Variants in RIN2 observed in about 807,000 individuals in gnomAD.
RIN2 encodes RAB5 interacting protein 2.
RIN2 carries 36 observed loss-of-function variants against 78.0 expected under a neutral mutation model. The observed-to-expected ratio is 0.46, with a 90% CI of 0.35 to 0.61. The LOEUF is 0.61. Ranked by LOEUF, RIN2 falls within the 20% of genes least tolerant of loss-of-function variation. RIN2 has a pLI of 0.00. For synonymous variants in RIN2, 466 were observed against 466.8 expected (o/e 1.00, Z 0.02); for missense variants, 1,087 against 1,159.7 (o/e 0.94, Z 0.91).
rs540677132 is a variant in RIN2, at chr20:19,920,021, G to A, written c.58-15078G>A. Among the ~76,000 whole-genome samples the A allele has an allele frequency of 5.9e-5, 9 of 152,210 alleles. No individual in the cohort carries two copies. In the East Asian group the frequency reaches 1.6e-3, roughly 26 times the overall value. ...GAAAGAACGTCATCCCAGGCCGGGC[G>A]CAGTGGCTCACGCCTGTAATCCCAG... On this transcript the variant is annotated intron_variant, in intron 3 of 12. Transcript: ENST00000255006.
intron 2 of RIN2, among the ~76,000 whole-genome samples, chr20:19,842,969 T>C (rs1358488093): frequency 1.3e-5 from 2 of 152,066 alleles, no homozygotes; most frequent in Admixed American, 1.3e-4. Flanking sequence ...ATGCCAACTC[T>C]CATGAATGAT....
intron 3 of RIN2, among the ~76,000 whole-genome samples, chr20:19,917,902 A>C (rs1348418496): frequency 6.6e-6 from 1 of 152,228 alleles, no homozygotes; most frequent in Non-Finnish European, 1.5e-5. Context: ...TATTGCCCAA[A>C]GCATTCTTTT....
chr20:19,919,165 G>A (rs942347876), intron 3 of RIN2, among the ~76,000 whole-genome samples: 5 of 152,194 alleles, frequency 3.3e-5, no homozygotes, highest in Admixed American at 6.5e-5. Context: ...GATGCCGTGC[G>A]AGAGTCCCGG....
At chr20:19,909,370 G>A (rs2039362201) in intron 3 of RIN2, among the ~76,000 whole-genome samples, 1 of 152,036 alleles carries the variant, frequency 6.6e-6, no homozygotes, top group Non-Finnish European at 1.5e-5. Context: ...GTTTTGATCC[G>A]CCACCACTTA....
At chr20:19,834,523 C>T (rs1478238854) in intron 2 of RIN2, among the ~76,000 whole-genome samples, 1 of 152,182 alleles carries the variant, frequency 6.6e-6, no homozygotes, top group East Asian at 1.9e-4. Flanking sequence ...CTGACAGGCT[C>T]CTCCTCCTGC....
chr20:19,762,537 G>C (rs2033682823), intron 1 of RIN2, among the ~76,000 whole-genome samples: 1 of 152,178 alleles, frequency 6.6e-6, no homozygotes, highest in African/African-American at 2.4e-5. Context: ...GTATTAAACA[G>C]GGTGGTGTCA....
At position 19,799,687 on chromosome 20, in the gene RIN2, A is replaced by G. The variant is rs906875701; in HGVS notation, c.-97A>G. On this transcript the variant is annotated 5_prime_UTR_variant, in exon 2 of 13. Coordinates refer to ENST00000255006, the MANE Select transcript of RIN2 (RefSeq NM_018993.4). ...AAGATAAAATGTGCAAGCCCTTCAG[A>G]ACGCTGGGGAGGTTGGGCTGAACTG... 1 of 152,158 alleles carries G rather than the reference A, an allele frequency of 6.6e-6. No individual in the cohort carries two copies. The highest frequency in any genetic ancestry group is 1.5e-5 in the Non-Finnish European group (1 of 68,046). 9.4% of individuals were successfully genotyped at this position (152,158 alleles called of 1,614,324 possible).
intron 8 of RIN2, among the ~76,000 whole-genome samples, 151 bp downstream of exon 8, chr20:19,971,080 AAACATCTGT>A (rs1372286410): frequency 2.6e-5 from 4 of 152,216 alleles, no homozygotes; most frequent in African/African-American, 9.6e-5. Flanking sequence ...GTCCTCTTGT[AAACATCTGT>A]AACGTGTTGA....
chr20:19,950,318 T>A (rs1488284824), intron 4 of RIN2, among the ~76,000 whole-genome samples: 1 of 152,288 alleles, frequency 6.6e-6, no homozygotes, highest in Non-Finnish European at 1.5e-5. Flanking sequence ...TATCTCCCCA[T>A]GATAGCAGCC....
chr20:19,847,215 C>T (rs1417387585), intron 2 of RIN2, among the ~76,000 whole-genome samples: 2 of 152,126 alleles, frequency 1.3e-5, no homozygotes, highest in Non-Finnish European at 2.9e-5. Context: ...TCATCTGAAG[C>T]ATTTAGCATT....
intron 2 of RIN2, among the ~76,000 whole-genome samples, chr20:19,877,085 G>C (rs1486536021): frequency 1.3e-5 from 2 of 152,142 alleles, no homozygotes; most frequent in Non-Finnish European, 2.9e-5. Context: ...TTCTGGAGGA[G>C]AGTAAGAAGA....
chr20:19,764,196 A>G (rs1298633269), intron 1 of RIN2, among the ~76,000 whole-genome samples: 1 of 152,248 alleles, frequency 6.6e-6, no homozygotes, highest in Non-Finnish European at 1.5e-5. Flanking sequence ...AGTTAGCTAG[A>G]TGAACTTTAG....
chr20:20,000,679 C>A lies in RIN2; in HGVS notation c.2431C>A (p.Pro811Thr), dbSNP rs1408690708. ...CACAGGAAAGACCCTCCTTGTGAGA[C>A]CTTACATCACCACTGAGGATGTGTG... ...GCTGKTLLVR[P>T]YITTEDVCQI... The change falls in exon 13 of 13, where the codon CCT becomes ACT. Residue 811 changes from proline (P) to threonine (T), a missense_variant. Around this residue, in one of 8 missense-constraint regions of RIN2, gnomAD observed 160 missense variants for 179.4 expected, o/e 0.89. Coordinates refer to ENST00000255006, the MANE Select transcript of RIN2 (RefSeq NM_018993.4). The A allele has an allele frequency of 1.2e-6, 2 of 1,613,490 alleles. No individual in the cohort carries two copies. The highest frequency in any genetic ancestry group is 1.1e-5 in the South Asian group (1 of 91,076).
chr20:19,903,408 A>G (rs746106612), intron 3 of RIN2, among the ~76,000 whole-genome samples: 2 of 152,098 alleles, frequency 1.3e-5, no homozygotes, highest in South Asian at 2.1e-4. Context: ...TGGTGTTTAC[A>G]TTGTGTCTGT....
intron 9 of RIN2, among the ~76,000 whole-genome samples, chr20:19,983,548 A>C (rs1325735168): frequency 6.6e-6 from 1 of 152,012 alleles, no homozygotes; most frequent in Non-Finnish European, 1.5e-5. Context: ...CTACAAAAAA[A>C]AGGCCCATAT....
chr20:19,962,729 G>A (rs1051861272), intron 6 of RIN2, among the ~76,000 whole-genome samples: 2 of 152,104 alleles, frequency 1.3e-5, no homozygotes, highest in African/African-American at 2.4e-5. Flanking sequence ...GGCTGAGGTG[G>A]GCGGATCACT....
chr20:19,843,413 C>A (rs1228902978), intron 2 of RIN2, among the ~76,000 whole-genome samples: 15 of 152,212 alleles, frequency 9.9e-5, no homozygotes, highest in Admixed American at 9.8e-4. Context: ...GCAACACCAA[C>A]TTTCAGCAAC....
chr20:19,878,567 CTTTAG>C (rs1349917414), intron 2 of RIN2, among the ~76,000 whole-genome samples: 1 of 152,148 alleles, frequency 6.6e-6, no homozygotes, highest in Non-Finnish European at 1.5e-5. Flanking sequence ...ATAGAACATA[CTTTAG>C]TTAACAGTTT....
chr20:19,795,728 T>C (rs550512737), intron 1 of RIN2, among the ~76,000 whole-genome samples: 1 of 152,218 alleles, frequency 6.6e-6, no homozygotes, highest in African/African-American at 2.4e-5. Flanking sequence ...TGGAAATATG[T>C]CCTAGAATGC....
Sources: allele counts gnomAD v4.1 joint callset (sites outside exome capture counted in the v4.1 genomes callset), GRCh38; gene constraint gnomAD v4.1.1; regional missense constraint gnomAD v4.1.1; transcripts MANE v1.5; gene names NCBI Gene and HGNC (gene_info 2026-07-23, HGNC 2026-07-21).